ATP2A3: variants seen among roughly 807,000 people sequenced by gnomAD.
The protein encoded by ATP2A3 is ATPase sarcoplasmic/endoplasmic reticulum Ca2+ transporting 3, also known as sarcoplasmic/endoplasmic reticulum calcium ATPase 3.
A neutral mutation model predicts 106.8 loss-of-function variants in ATP2A3; 61 were observed. That is an observed-to-expected ratio of 0.57 (90% CI 0.46 to 0.71). ATP2A3 has a LOEUF of 0.71. Among genes scored for constraint, ATP2A3 ranks in the 30% least tolerant of loss-of-function variants. The probability of loss-of-function intolerance (pLI) is 0.00; values close to 1 mark genes in which losing one functional copy is unlikely to be tolerated. For missense variants in ATP2A3, 1,201 were observed against 1,423.5 expected, an observed-to-expected ratio of 0.84 and a Z score of 2.52; for synonymous variants, 611 against 609.3, an observed-to-expected ratio of 1.00 and a Z score of -0.04.
intron 1 of ATP2A3, among the ~76,000 whole-genome samples, chr17:3,958,980 C>T (rs1597682614): frequency 6.6e-6 from 1 of 151,410 alleles, no homozygotes; most frequent in Non-Finnish European, 1.5e-5. Context: ...CAACCTCTGC[C>T]TCCTGGGTTC....
rs2052875531 is a variant in ATP2A3, at chr17:3,928,902, C to T, written c.2863-122G>A. The T allele has an allele frequency of 7.1e-6, 5 of 703,092 alleles. No homozygotes were observed. The highest frequency in any genetic ancestry group is 1.2e-5 in the Non-Finnish European group (5 of 408,548). The allele number at this position is 703,092 out of a possible 1,614,324, so 43.6% of individuals were successfully genotyped here. On this transcript the variant is annotated intron_variant, in intron 19 of 20. Coordinates refer to ENST00000397041, the MANE Select transcript of ATP2A3 (RefSeq NM_005173.4). The surrounding 1 kb of genome is among the most constrained non-coding windows in gnomAD (Gnocchi z 6.1). ...TCTTCATGAGCGCTCCTAAGAACCC[C>T]CTGGATGCACCCCCGATCTTTGTCC... is the stretch of plus-strand genomic sequence containing the variant.
intron 1 of ATP2A3, among the ~76,000 whole-genome samples, chr17:3,960,859 C>T (rs1040201511): frequency 6.6e-6 from 1 of 152,194 alleles, no homozygotes; most frequent in Non-Finnish European, 1.5e-5. Context: ...CCCAGGAATG[C>T]GTCCTTCAGT....
intron 8 of ATP2A3, 32 bp from the exon 9 acceptor site, chr17:3,945,180 G>A (rs2054042793): frequency 1.3e-6 from 2 of 1,534,576 alleles, no homozygotes; most frequent in Non-Finnish European, 8.8e-7. Context: ...TTAGGCGGGC[G>A]GGGTCGCCTC....
chr17:3,950,144 AG>A (rs1405178773), intron 7 of ATP2A3, among the ~76,000 whole-genome samples: 1 of 149,228 alleles, frequency 6.7e-6, no homozygotes, highest in Non-Finnish European at 1.5e-5. Flanking sequence ...CATGGGCAAC[AG>A]GGCCAGAAAA....
rs1347339144 is a variant in ATP2A3 at position 3,936,807 on chromosome 17, A to G, written c.2322-338T>C. 5.0e-6 allele frequency: 2 copies of G among 397,454 alleles called. No homozygotes were observed. Among genetic ancestry groups the G allele is most frequent in the East Asian group, 1.1e-4 (2 of 18,488 alleles). The allele number at this position is 397,454 out of a possible 1,614,324, so 24.6% of individuals were successfully genotyped here. A position where few individuals can be genotyped will look rare whatever the true frequency, so the allele number is the denominator to read the frequency against. On this transcript the variant is annotated intron_variant, in intron 15 of 20. Transcript: ENST00000397041. The surrounding 1 kb of genome is among the most constrained non-coding windows in gnomAD (Gnocchi z 5.4). ...TCAGACATGTGCAAAAACCTAGCACATGCCACACCATCCGGCAAACACAAG... is the reference window on the plus strand; with the variant it reads ...TCAGACATGTGCAAAAACCTAGCACGTGCCACACCATCCGGCAAACACAAG...
Position 3,947,273 on chromosome 17 carries a change from G to A in ATP2A3, c.1095+118C>T. On this transcript the variant is annotated intron_variant, in intron 8 of 20. Coordinates refer to ENST00000397041, the MANE Select transcript of ATP2A3 (RefSeq NM_005173.4). This position sits in a 1 kb window ranked among gnomAD's most constrained non-coding sequence, Gnocchi z 7.7. The stretch of plus-strand genomic sequence containing the variant: ...AAACCTGGACCTGCTCTGGGCCAAG[G>A]GACAGCCCACAGATTCTCTCCTCCA... The A allele has an allele frequency of 1.6e-6, 2 of 1,276,222 alleles. No individual in the cohort carries two copies. The highest frequency in any genetic ancestry group is 3.8e-5 in the Admixed American group (2 of 52,034). 79.1% of individuals were successfully genotyped at this position (1,276,222 alleles called of 1,614,324 possible). A position where few individuals can be genotyped will look rare whatever the true frequency, so the allele number is the denominator to read the frequency against.
At position 3,942,675 on chromosome 17, in the gene ATP2A3, T is replaced by C. The variant is rs775213773; in HGVS notation, c.1476A>G (p.Lys492=). ...EFTLEFSRDR[K]SMSVYCTPTR... ...TGGGCGTGCAGTACACGGACATGGATTTCCGGTCTCGGGAGAACTCCAGGG... is the reference window on the plus strand; with the variant it reads ...TGGGCGTGCAGTACACGGACATGGACTTCCGGTCTCGGGAGAACTCCAGGG... The change falls in exon 12 of 21, where the codon AAA becomes AAG. Residue 492 remains lysine, a synonymous_variant. Coordinates refer to ENST00000397041, the MANE Select transcript of ATP2A3 (RefSeq NM_005173.4). 1 of 1,613,650 alleles carries C rather than the reference T, an allele frequency of 6.2e-7. No individual in the cohort carries two copies. Among genetic ancestry groups the C allele is most frequent in the Non-Finnish European group, 8.5e-7 (1 of 1,179,954 alleles).
intron 1 of ATP2A3, among the ~76,000 whole-genome samples, chr17:3,962,857 G>A (rs946161811): frequency 1.1e-4 from 16 of 152,292 alleles, no homozygotes; most frequent in South Asian, 8.3e-4. Flanking sequence ...CAGTGGGACC[G>A]CAGACCTGCC....
intron 3 of ATP2A3, among the ~76,000 whole-genome samples, chr17:3,952,627 T>C (rs1005562056): frequency 6.6e-6 from 1 of 152,204 alleles, no homozygotes; most frequent in African/African-American, 2.4e-5. Flanking sequence ...TCTTGCTTTG[T>C]TGCCCAGGCT....
Position 3,937,423 on chromosome 17 carries a change from C to T in ATP2A3, c.2314G>A (p.Val772Ile). Residue 772 changes from valine to isoleucine, a missense_variant, in exon 15 of 21, where the codon GTC becomes ATC. Val to Ile is a conservative substitution (Grantham distance 29). Coordinates refer to ENST00000397041, the MANE Select transcript of ATP2A3 (RefSeq NM_005173.4). ...RYLISSNVGE[V>I]VCIFLTAILG... ...GGGAAGGCCCGGCCTCACCAGACGA[C>T]CTCGCCAACATTGGAGGAGATGAGG... 6.2e-7 allele frequency: 1 copy of T among 1,612,754 alleles called. No homozygotes were observed. Among genetic ancestry groups the T allele is most frequent in the Non-Finnish European group, 8.5e-7 (1 of 1,179,092 alleles).
chr17:3,929,146 C>T lies in ATP2A3; in HGVS notation c.2862+182G>A, dbSNP rs377088069. Among the ~76,000 whole-genome samples the T allele has an allele frequency of 2.6e-5, 4 of 152,310 alleles. No homozygotes were observed. Among genetic ancestry groups the T allele is most frequent in the African/African-American group, 9.6e-5 (4 of 41,562 alleles). ...CTCAGCAAGGGGTTTCCCCCTCTTC[C>T]GTCCCCCAGGTCTGGGAGCTCCTGA... On this transcript the variant is annotated intron_variant, in intron 19 of 20. Coordinates refer to ENST00000397041, the MANE Select transcript of ATP2A3 (RefSeq NM_005173.4). The surrounding 1 kb of genome is among the most constrained non-coding windows in gnomAD (Gnocchi z 4.3).
chr17:3,939,765 G>A (rs911219909), intron 14 of ATP2A3, among the ~76,000 whole-genome samples: 5 of 132,474 alleles, frequency 3.8e-5, no homozygotes, highest in African/African-American at 1.5e-4. Flanking sequence ...CCAGCCCTGG[G>A]TGACAGAGCG....
chr17:3,933,663 G>C (rs1409568094), intron 17 of ATP2A3, among the ~76,000 whole-genome samples: 1 of 151,168 alleles, frequency 6.6e-6, no homozygotes, highest in Admixed American at 6.6e-5. Context: ...TTGAACCCGG[G>C]AGGTGGAGGT....
At chr17:3,941,688 A>T in intron 12 of ATP2A3, 34 bp from the exon 13 acceptor site, 1 of 1,593,682 alleles carries the variant, frequency 6.3e-7, no homozygotes, top group African/African-American at 1.3e-5. Context: ...GAGGTAACTC[A>T]TCAGTCAGAA....
chr17:3,931,934 G>A (rs569571096), intron 17 of ATP2A3, among the ~76,000 whole-genome samples: 5 of 152,222 alleles, frequency 3.3e-5, no homozygotes, highest in South Asian at 2.1e-4. Context: ...AAATACATCC[G>A]TTTTCCCACA....
chr17:3,951,556 CGGTCCCA>C lies in ATP2A3; in HGVS notation c.324+18_324+24del. On this transcript the variant is annotated intron_variant, in intron 4 of 20. Transcript: ENST00000397041. ...AGTGGCTGGGAGACCGCCCCCCGCC[CGGTCCCA>C]CCCCCAGTGCCTCCCACCTGCCACA... 5 of 1,345,676 alleles carry C rather than the reference CGGTCCCA, an allele frequency of 3.7e-6. No individual in the cohort carries two copies. The highest frequency in any genetic ancestry group is 2.1e-5 in the Admixed American group (1 of 48,760). 83.4% of individuals were successfully genotyped at this position (1,345,676 alleles called of 1,614,324 possible). A position where few individuals can be genotyped will look rare whatever the true frequency, so the allele number is the denominator to read the frequency against.
At position 3,953,167 on chromosome 17, in the gene ATP2A3, G is replaced by A. The variant is rs1316154825; in HGVS notation, c.219+180C>T. The stretch of plus-strand genomic sequence containing the variant: ...TGGGAGCCGGGGACCCAATGTAGGG[G>A]CCATGAGGGTTCAGGCAAGGGAAGC... On this transcript the variant is annotated intron_variant, in intron 3 of 20. Coordinates refer to ENST00000397041, the MANE Select transcript of ATP2A3 (RefSeq NM_005173.4). This position sits in a 1 kb window ranked among gnomAD's most constrained non-coding sequence, Gnocchi z 5.1. 2 of 699,728 alleles carry A rather than the reference G, an allele frequency of 2.9e-6. No homozygotes were observed. The highest frequency in any genetic ancestry group is 1.8e-5 in the African/African-American group (1 of 56,872). 43.3% of individuals were successfully genotyped at this position (699,728 alleles called of 1,614,324 possible).
At position 3,926,949 on chromosome 17, in the gene ATP2A3, C is replaced by G; in HGVS notation, c.2981-1508G>C. 2.0e-6 allele frequency: 2 copies of G among 985,490 alleles called. No homozygotes were observed. Among genetic ancestry groups the G allele is most frequent in the African/African-American group, 3.5e-5 (2 of 57,370 alleles). The allele number at this position is 985,490 out of a possible 1,614,324, so 61.0% of individuals were successfully genotyped here. On this transcript the variant is annotated intron_variant, in intron 20 of 20. Transcript: ENST00000397041. The surrounding 1 kb of genome is among the most constrained non-coding windows in gnomAD (Gnocchi z 4.6). ...CTTACACTCCTCCCGTGCTTCCCCA[C>G]TGCCCTGAGGACAATGTCCAGGGTC...
Position 3,947,384 on chromosome 17 carries a change from C to G in ATP2A3, c.1095+7G>C, listed in dbSNP as rs1226924319. The G allele has an allele frequency of 1.2e-6, 2 of 1,613,666 alleles. No homozygotes were observed. Among genetic ancestry groups the G allele is most frequent in the Non-Finnish European group, 1.7e-6 (2 of 1,180,052 alleles). On this transcript the variant is annotated splice_region_variant and intron_variant, in intron 8 of 20. Coordinates refer to ENST00000397041, the MANE Select transcript of ATP2A3 (RefSeq NM_005173.4). The surrounding 1 kb of genome is among the most constrained non-coding windows in gnomAD (Gnocchi z 7.7). ...CGCACAGCAACACCAAGCTGGCCGT[C>G]ACTCACCCGGCAGACAGACATCTGA...
Sources: gnomAD v4.1 joint callset for allele counts (sites outside exome capture counted in the v4.1 genomes callset) on GRCh38, gnomAD v4.1.1 for gene constraint, Gnocchi (gnomAD v3.1) non-coding constraint, MANE v1.5 for transcripts, NCBI Gene and HGNC (gene_info 2026-07-23, HGNC 2026-07-21) for gene names.